TANC2: variants seen among roughly 807,000 people sequenced by gnomAD.
The protein encoded by TANC2 is tetratricopeptide repeat, ankyrin repeat and coiled-coil containing 2.
Under a neutral mutation model 210.5 loss-of-function variants are expected in TANC2, and 26 were observed. The ratio of observed to expected loss-of-function variants is 0.12; its 90% CI spans 0.09 to 0.17. The LOEUF (loss-of-function observed/expected upper bound fraction) is 0.17, where lower values mean the gene tolerates loss of function less well. TANC2 is among the 10% of genes least tolerant of loss of function. The pLI is 1.00. For missense variants in TANC2, 2,129 were observed against 2,608.9 expected, an observed-to-expected ratio of 0.82 and a Z score of 4.01; for synonymous variants, 931 against 967.1, an observed-to-expected ratio of 0.96 and a Z score of 0.69.
chr17:62,982,134 G>GT, intron 1 of TANC2, among the ~76,000 whole-genome samples: 1 of 152,226 alleles, frequency 6.6e-6, no homozygotes, highest in South Asian at 2.1e-4. Context: ...CTTTAATTAT[G>GT]TGGCTGGGTT....
exon 28 of TANC2, chr17:63,426,894 T>C (rs2049159133): frequency 6.6e-6 from 1 of 152,196 alleles, no homozygotes; most frequent in African/African-American, 2.4e-5. Context: ...CTCAATCCCT[T>C]TGGTCCCCAG....
Position 63,406,882 on chromosome 17 carries a change from C to T in TANC2, c.3589+605C>T, listed in dbSNP as rs186492753. Among the ~76,000 whole-genome samples, 9 of 152,304 alleles carry T rather than the reference C, an allele frequency of 5.9e-5. No homozygotes were observed. The East Asian group carries it at 1.7e-3, about 29-fold the overall frequency. Reference sequence around the variant, plus strand: ...ATAACAGTGGCTGCTGATGATGGACCTCTGTAGTAGAAAAAGCTCATCACT... The same window carrying T: ...ATAACAGTGGCTGCTGATGATGGACTTCTGTAGTAGAAAAAGCTCATCACT... On this transcript the variant is annotated intron_variant, in intron 21 of 27. Transcript: ENST00000689528.
chr17:63,144,210 AAACTAT>A (rs2039387556), intron 4 of TANC2, among the ~76,000 whole-genome samples: 1 of 152,168 alleles, frequency 6.6e-6, no homozygotes, highest in Non-Finnish European at 1.5e-5. Context: ...AAAAATGGTG[AAACTAT>A]GTAATGTTGC....
intron 14 of TANC2, among the ~76,000 whole-genome samples, chr17:63,362,341 G>T (rs1360241701): frequency 6.6e-6 from 1 of 152,186 alleles, no homozygotes; most frequent in East Asian, 1.9e-4. Context: ...AGCACCATAA[G>T]TTCTCACTCA....
At chr17:63,162,122 T>C (rs1380585381) in intron 5 of TANC2, among the ~76,000 whole-genome samples, 2 of 151,980 alleles carry the variant, frequency 1.3e-5, no homozygotes, top group African/African-American at 2.4e-5. Context: ...GTGGGCAATA[T>C]AGCAAGACCT....
chr17:63,368,297 A>G (rs575418324), intron 14 of TANC2, among the ~76,000 whole-genome samples: 4 of 152,340 alleles, frequency 2.6e-5, no homozygotes, highest in South Asian at 4.1e-4. Context: ...AGTGAGTCCT[A>G]TTTTGGACAT....
chr17:63,003,985 A>G (rs1032279001), intron 1 of TANC2, among the ~76,000 whole-genome samples: 2 of 152,158 alleles, frequency 1.3e-5, no homozygotes, highest in African/African-American at 4.8e-5. Context: ...GCAGACAATC[A>G]TTAACAGTGT....
intron 5 of TANC2, among the ~76,000 whole-genome samples, chr17:63,158,737 A>G (rs191131039): frequency 2.0e-4 from 31 of 152,340 alleles, no homozygotes; most frequent in Non-Finnish European, 3.7e-4. Flanking sequence ...AAAATGTAAT[A>G]GCTTAAAACA....
intron 8 of TANC2, among the ~76,000 whole-genome samples, chr17:63,240,961 T>G (rs2042758526): frequency 6.6e-6 from 1 of 152,188 alleles, no homozygotes; most frequent in Non-Finnish European, 1.5e-5. Flanking sequence ...TTTTTGACAT[T>G]AGCAACTGAG....
In TANC2 at chr17:63,248,365, G is replaced by A. The variant is rs190838741; in HGVS notation, c.1033+10288G>A. 2.9e-3 allele frequency among the ~76,000 whole-genome samples: 445 copies of A among 152,166 alleles called. 1 individual carries two copies. The highest frequency in any genetic ancestry group is 0.01 in the African/African-American group (425 of 41,548). ...ATTAAATTGTTCTAAGCATCTGAAC[G>A]TCAAGGGCAGGATGGGGATGGGAAT... On this transcript the variant is annotated intron_variant, in intron 8 of 27. Coordinates refer to ENST00000689528, the Ensembl canonical transcript of TANC2.
intron 14 of TANC2, among the ~76,000 whole-genome samples, chr17:63,376,018 T>C (rs978201532): frequency 6.7e-6 from 1 of 149,520 alleles, no homozygotes; most frequent in Non-Finnish European, 1.5e-5. Context: ...ACGTGGGAAG[T>C]GGAGGTTGCA....
At chr17:63,081,886 C>T (rs8072073) in intron 3 of TANC2, among the ~76,000 whole-genome samples, 2 of 152,066 alleles carry the variant, frequency 1.3e-5, no homozygotes, top group African/African-American at 4.8e-5. Context: ...TTTGGAAGGC[C>T]GGGCACGGTG....
exon 28 of TANC2, chr17:63,424,065 C>T (rs1236159922): frequency 2.0e-5 from 3 of 152,236 alleles, no homozygotes; most frequent in Non-Finnish European, 2.9e-5. Context: ...CCGCCTCTCG[C>T]TGAGGAGCCA....
chr17:63,166,312 A>C (rs2040208268), intron 5 of TANC2, among the ~76,000 whole-genome samples: 1 of 110,370 alleles, frequency 9.1e-6, no homozygotes. Context: ...GATAGCACAG[A>C]GAGAGAGAGA....
rs1365936411 is a variant in TANC2, at chr17:63,422,207, AT to A, written c.*256del. 29 of 435,806 alleles carry A rather than the reference AT, an allele frequency of 6.7e-5. 1 individual carries two copies. In the South Asian group the frequency reaches 9.4e-4, roughly 14 times the overall value. The allele number at this position is 435,806 out of a possible 1,614,324, so 27.0% of individuals were successfully genotyped here. A position where few individuals can be genotyped will look rare whatever the true frequency, so the allele number is the denominator to read the frequency against. On this transcript the variant is annotated 3_prime_UTR_variant, in exon 28 of 28. Coordinates refer to ENST00000689528, the Ensembl canonical transcript of TANC2. ...CCTCTCTTCAGATGCCAACGAGGAG[AT>A]TTTCGTGCTGTGTGCTTTAACCCAG...
At chr17:63,417,435 C>G (rs1003215185) in intron 26 of TANC2, among the ~76,000 whole-genome samples, 8 of 152,128 alleles carry the variant, frequency 5.3e-5, no homozygotes, top group South Asian at 4.1e-4. Context: ...CCCCACCCCC[C>G]AGTCTCTGTT....
intron 8 of TANC2, among the ~76,000 whole-genome samples, chr17:63,266,569 C>T (rs2043535414): frequency 6.6e-6 from 1 of 152,056 alleles, no homozygotes; most frequent in Admixed American, 6.6e-5. Flanking sequence ...TATTGAAGAG[C>T]TTATTTATAA....
At chr17:63,215,228 C>T (rs1431523182) in intron 7 of TANC2, among the ~76,000 whole-genome samples, 1 of 152,220 alleles carries the variant, frequency 6.6e-6, no homozygotes, top group Non-Finnish European at 1.5e-5. Context: ...CAGCATTCAT[C>T]TCTCAGTAGC....
intron 4 of TANC2, among the ~76,000 whole-genome samples, chr17:63,104,031 G>C (rs2037731072): frequency 6.6e-6 from 1 of 151,800 alleles, no homozygotes; most frequent in South Asian, 2.1e-4. Context: ...AGAAAATCAA[G>C]GTTTAGTGAA....
Sources: gnomAD v4.1 joint callset for allele counts (sites outside exome capture counted in the v4.1 genomes callset) on GRCh38, gnomAD v4.1.1 for gene constraint, MANE v1.5 for transcripts, NCBI Gene and HGNC (gene_info 2026-07-23, HGNC 2026-07-21) for gene names.